Variants in KLRF2 observed in about 807,000 individuals in gnomAD.
The protein encoded by KLRF2 is killer cell lectin-like receptor subfamily F member 2.
Under a neutral mutation model 25.3 loss-of-function variants are expected in KLRF2, and 28 were observed. The ratio of observed to expected loss-of-function variants is 1.11; its 90% CI spans 0.82 to 1.52. The LOEUF is 1.52. KLRF2 is among the 40% of genes most tolerant of loss of function. KLRF2 has a pLI of 0.00. For missense variants in KLRF2, 265 were observed against 245.8 expected (o/e 1.08, Z -0.52); for synonymous variants, 73 against 85.0 (o/e 0.86, Z 0.78).
chr12:9,895,471 C>T, intron 5 of KLRF2, among the ~76,000 whole-genome samples: 1 of 152,136 alleles, frequency 6.6e-6, no homozygotes, highest in South Asian at 2.1e-4. Context: ...AAGGAAGAAG[C>T]TGGGATGTCT....
chr12:9,887,710 A>G (rs17733910), intron 2 of KLRF2, among the ~76,000 whole-genome samples: 2,977 of 151,670 alleles, frequency 0.02, 48 homozygotes, highest in Middle Eastern at 0.044. Flanking sequence ...GAACTTGATG[A>G]TATGGTCAAA....
At position 9,894,859 on chromosome 12, in the gene KLRF2, A is replaced by T. The variant is rs1862739120; in HGVS notation, c.480-830A>T. On this transcript the variant is annotated intron_variant, in intron 5 of 5. Coordinates refer to ENST00000535540, the MANE Select transcript of KLRF2 (RefSeq NM_001190765.1). ...TTTATTACTAATTTTTATTATAATT[A>T]ATATTATTTTTTACTTTTTTGGAAA... 2.0e-5 allele frequency among the ~76,000 whole-genome samples: 3 copies of T among 152,026 alleles called. No homozygotes were observed. The South Asian group carries it at 6.2e-4, about 31-fold the overall frequency.
In KLRF2 at chr12:9,883,925, G is replaced by T. The variant is rs191602637; in HGVS notation, c.71-1009G>T. 7.8e-4 allele frequency among the ~76,000 whole-genome samples: 118 copies of T among 152,168 alleles called. 1 individual carries two copies. The highest frequency in any genetic ancestry group is 5.8e-4 in the East Asian group (3 of 5,194). ...ATTATTTGTGAAATGTACAACCAAG[G>T]TGATGAAATTAAATGTTTGTTTATA... On this transcript the variant is annotated intron_variant, in intron 1 of 5. Coordinates refer to ENST00000535540, the MANE Select transcript of KLRF2 (RefSeq NM_001190765.1).
At chr12:9,891,199 C>T (rs1269624805) in intron 3 of KLRF2, among the ~76,000 whole-genome samples, 1 of 152,106 alleles carries the variant, frequency 6.6e-6, no homozygotes, top group Non-Finnish European at 1.5e-5. Context: ...TGCTTAGAAA[C>T]CTGCCTGGCC....
In KLRF2 at chr12:9,888,467, G is replaced by A. The variant is rs550597751; in HGVS notation, c.170-266G>A. Reference sequence around the variant, plus strand: ...ATTGCGCCACTGCACTGCAGCCTGGGCAACAGAGTGAGACTCTGTCTCAAA... The same window carrying A: ...ATTGCGCCACTGCACTGCAGCCTGGACAACAGAGTGAGACTCTGTCTCAAA... On this transcript the variant is annotated intron_variant, in intron 2 of 5. Coordinates refer to ENST00000535540, the MANE Select transcript of KLRF2 (RefSeq NM_001190765.1). Among the ~76,000 whole-genome samples the A allele has an allele frequency of 3.8e-4, 57 of 151,648 alleles. 1 individual carries two copies. In the South Asian group the frequency reaches 0.011, roughly 31 times the overall value.
chr12:9,890,217 T>C lies in KLRF2; in HGVS notation c.217+1437T>C, dbSNP rs1039490677. On this transcript the variant is annotated intron_variant, in intron 3 of 5. Transcript: ENST00000535540. The stretch of plus-strand genomic sequence containing the variant: ...ACAATCACAATCTCACTATAACTCC[T>C]GCATTTGTTTTTGATTGATATATAA... 7.9e-5 allele frequency among the ~76,000 whole-genome samples: 12 copies of C among 152,336 alleles called. No homozygotes were observed. The East Asian group carries it at 2.1e-3, about 27-fold the overall frequency.
intron 5 of KLRF2, among the ~76,000 whole-genome samples, chr12:9,895,185 G>A (rs760912872): frequency 6.6e-6 from 1 of 152,180 alleles, no homozygotes; most frequent in Non-Finnish European, 1.5e-5. Flanking sequence ...CATCATTATA[G>A]CATACCTATC....
chr12:9,889,650 G>A (rs201851645), intron 3 of KLRF2, among the ~76,000 whole-genome samples: 2 of 140,440 alleles, frequency 1.4e-5, no homozygotes, highest in East Asian at 2.3e-4. Flanking sequence ...ATATATATGT[G>A]TGTGTGTGTG....
At chr12:9,888,903 G>A (rs1173210419) in intron 3 of KLRF2, 123 bp downstream of exon 3, 6 of 532,048 alleles carry the variant, frequency 1.1e-5, no homozygotes, top group Admixed American at 8.6e-5. Flanking sequence ...AAGGTATGGG[G>A]CTGAAAAGGA....
chr12:9,889,229 T>A (rs946704105), intron 3 of KLRF2, among the ~76,000 whole-genome samples: 2 of 150,450 alleles, frequency 1.3e-5, no homozygotes, highest in Non-Finnish European at 1.5e-5. Flanking sequence ...GAGGATATTA[T>A]AATAATAACT....
Position 9,895,779 on chromosome 12 carries a change from G to C in KLRF2, c.570G>C (p.Lys190Asn). 1 of 1,535,690 alleles carries C rather than the reference G, an allele frequency of 6.5e-7. No individual in the cohort carries two copies. The highest frequency in any genetic ancestry group is 2.0e-5 in the Admixed American group (1 of 50,950). Residue 190 changes from lysine to asparagine, a missense_variant, in exon 6 of 6, where the codon AAG becomes AAC. Lys to Asn is a moderately conservative substitution (Grantham distance 94, BLOSUM62 0). Transcript: ENST00000535540. Reference protein sequence around the residue: ...VYSEDCSSTFKGICQRDAILT... With the variant: ...VYSEDCSSTFNGICQRDAILT... Reference sequence around the variant, plus strand: ...CTGAAGACTGTAGCTCCACATTTAAGGGCATTTGCCAGAGAGATGCGATCT... The same window carrying C: ...CTGAAGACTGTAGCTCCACATTTAACGGCATTTGCCAGAGAGATGCGATCT...
In KLRF2 at chr12:9,895,731, T is replaced by C. The variant is rs994724602; in HGVS notation, c.522T>C (p.Val174=). 1 of 1,535,624 alleles carries C rather than the reference T, an allele frequency of 6.5e-7. No homozygotes were observed. Residue 174 remains valine (V), a synonymous_variant, in exon 6 of 6, where the codon GTT becomes GTC. Coordinates refer to ENST00000535540, the MANE Select transcript of KLRF2 (RefSeq NM_001190765.1). ...IGPTDDRSCA[V]ITGNWVYSED... is the part of the protein sequence containing the mutation. ...CAACTGATGACAGGAGCTGTGCCGT[T>C]ATCACAGGAAACTGGGTGTATTCTG...
In KLRF2 at chr12:9,885,020, C is replaced by A. The variant is rs1235233857; in HGVS notation, c.157C>A (p.Leu53Met). ...TATATTCATTATGACAGGGATTGAC[C>A]TGAAGTTCTGGCGTGAGTAGTAAAT... is the stretch of plus-strand genomic sequence containing the variant. ...ILIFIMTGID[L>M]KFWHKKMDFS... The change falls in exon 2 of 6, where the codon CTG becomes ATG. Residue 53 changes from leucine (L) to methionine (M), a missense_variant. Physicochemically the swap from Leu to Met is conservative, Grantham distance 15 (BLOSUM62 2). Coordinates refer to ENST00000535540, the MANE Select transcript of KLRF2 (RefSeq NM_001190765.1). 14 of 1,279,808 alleles carry A rather than the reference C, an allele frequency of 1.1e-5. No individual in the cohort carries two copies. Among genetic ancestry groups the A allele is most frequent in the Non-Finnish European group, 1.4e-5 (14 of 998,488 alleles). The allele number at this position is 1,279,808 out of a possible 1,614,324, so 79.3% of individuals were successfully genotyped here. A position where few individuals can be genotyped will look rare whatever the true frequency, so the allele number is the denominator to read the frequency against.
In KLRF2 at chr12:9,895,816, G is replaced by A; in HGVS notation, c.607G>A (p.Gly203Arg). The A allele has an allele frequency of 6.5e-7, 1 of 1,533,008 alleles. No individual in the cohort carries two copies. Among genetic ancestry groups the A allele is most frequent in the Non-Finnish European group, 8.7e-7 (1 of 1,145,852 alleles). The allele number at this position is 1,533,008 out of a possible 1,614,324, so 95.0% of individuals were successfully genotyped here. The change falls in exon 6 of 6, where the codon GGA becomes AGA. Residue 203 changes from glycine (G) to arginine (R), a missense_variant. Physicochemically the swap from Gly to Arg is moderately radical, Grantham distance 125. Coordinates refer to ENST00000535540, the MANE Select transcript of KLRF2 (RefSeq NM_001190765.1). ...CQRDAILTHN[G>R]TSGV ...GAGAGATGCGATCTTGACGCACAAT[G>A]GAACCAGTGGTGTGTAAATGTACAA...
intron 2 of KLRF2, among the ~76,000 whole-genome samples, chr12:9,887,541 G>T (rs1041911410): frequency 1.3e-5 from 2 of 152,238 alleles, no homozygotes; most frequent in Admixed American, 1.3e-4. Context: ...CAGCAAAAAA[G>T]AATGTGGGAG....
In KLRF2 at chr12:9,893,436, T is replaced by C; in HGVS notation, c.374T>C (p.Ile125Thr). The C allele has an allele frequency of 3.5e-6, 5 of 1,428,316 alleles. No individual in the cohort carries two copies. Among genetic ancestry groups the C allele is most frequent in the Non-Finnish European group, 4.8e-6 (5 of 1,052,434 alleles). The allele number at this position is 1,428,316 out of a possible 1,614,324, so 88.5% of individuals were successfully genotyped here. ...VIQNLDELEFIQNSLKPGHFG... is the reference protein window; with the variant it reads ...VIQNLDELEFTQNSLKPGHFG... The stretch of plus-strand genomic sequence containing the variant: ...GCACTATTTCTTCTGCAGGAGTTCA[T>C]ACAGAACAGTTTAAAACCTGGACAT... Residue 125 changes from isoleucine (I) to threonine (T), a missense_variant, in exon 5 of 6, where the codon ATA becomes ACA. Physicochemically the swap from Ile to Thr is moderately conservative, Grantham distance 89 (BLOSUM62 -1). Transcript: ENST00000535540.
At chr12:9,889,632 A>C (rs1286790095) in intron 3 of KLRF2, among the ~76,000 whole-genome samples, 1 of 148,796 alleles carries the variant, frequency 6.7e-6, no homozygotes, top group African/African-American at 2.6e-5. Flanking sequence ...ATCTCTCTCT[A>C]TATGTGTATA....
At position 9,895,803 on chromosome 12, in the gene KLRF2, C is replaced by A; in HGVS notation, c.594C>A (p.Ile198=). The A allele has an allele frequency of 6.5e-7, 1 of 1,535,244 alleles. No individual in the cohort carries two copies. The highest frequency in any genetic ancestry group is 8.7e-7 in the Non-Finnish European group (1 of 1,146,590). ...TFKGICQRDA[I]LTHNGTSGV ...AGGGCATTTGCCAGAGAGATGCGAT[C>A]TTGACGCACAATGGAACCAGTGGTG... Residue 198 remains isoleucine (I), a synonymous_variant, in exon 6 of 6, where the codon ATC becomes ATA. Transcript: ENST00000535540.
intron 2 of KLRF2, among the ~76,000 whole-genome samples, chr12:9,888,138 GA>G (rs892771594): frequency 3.4e-5 from 5 of 146,550 alleles, no homozygotes; most frequent in Admixed American, 2.7e-4. Flanking sequence ...AAAGTCCAGT[GA>G]AAAAAATAAT....
Sources: allele counts gnomAD v4.1 joint callset (sites outside exome capture counted in the v4.1 genomes callset), GRCh38; gene constraint gnomAD v4.1.1; transcripts MANE v1.5; gene names NCBI Gene and HGNC (gene_info 2026-07-23, HGNC 2026-07-21).